BFSP2: variants seen among roughly 807,000 people sequenced by gnomAD.
The protein encoded by BFSP2 is beaded filament structural protein 2.
Under a neutral mutation model 44.9 loss-of-function variants are expected in BFSP2, and 38 were observed. The ratio of observed to expected loss-of-function variants is 0.85; its 90% CI spans 0.65 to 1.11. BFSP2 has a LOEUF of 1.11. BFSP2 is among the 50% of genes least tolerant of loss of function. The pLI, the probability that BFSP2 is intolerant of heterozygous loss-of-function variation, is 0.00. For synonymous variants in BFSP2, 197 were observed against 209.9 expected (o/e 0.94, Z 0.53); for missense variants, 525 against 533.0 (o/e 0.99, Z 0.15).
chr3:133,449,138 C>G (rs979687340), intron 3 of BFSP2: 1 of 162,970 alleles, frequency 6.1e-6, no homozygotes, highest in Admixed American at 5.8e-5. Context: ...TCTAAACCAC[C>G]TCACACATAT....
chr3:133,473,562 A>T (rs1003100840), intron 6 of BFSP2, among the ~76,000 whole-genome samples: 1 of 151,210 alleles, frequency 6.6e-6, no homozygotes, highest in South Asian at 2.1e-4. Context: ...CAGATAAACA[A>T]GTGAACAAAG....
intron 1 of BFSP2, among the ~76,000 whole-genome samples, chr3:133,435,572 G>A (rs1328076931): frequency 6.6e-6 from 1 of 152,210 alleles, no homozygotes; most frequent in Non-Finnish European, 1.5e-5. Flanking sequence ...CTGCGGCTGA[G>A]CTGGGCAAAA....
chr3:133,417,113 G>GC (rs2073543029), intron 1 of BFSP2, among the ~76,000 whole-genome samples: 1 of 77,684 alleles, frequency 1.3e-5, no homozygotes, highest in Non-Finnish European at 2.5e-5. Flanking sequence ...ACTCACCCCT[G>GC]CCTTCTCCCC....
chr3:133,416,326 T>TGC (rs2073528608), intron 1 of BFSP2, among the ~76,000 whole-genome samples: 1 of 126,712 alleles, frequency 7.9e-6, no homozygotes, highest in Non-Finnish European at 1.7e-5. Context: ...TACTCACCCG[T>TGC]CCTCTCCCTT....
chr3:133,442,093 CTAAGTA>C (rs981392916), intron 1 of BFSP2, among the ~76,000 whole-genome samples: 14 of 152,304 alleles, frequency 9.2e-5, no homozygotes, highest in African/African-American at 3.4e-4. Context: ...GGGTTTTACT[CTAAGTA>C]TAAGAGACAC....
chr3:133,426,014 G>C (rs12490879), intron 1 of BFSP2, among the ~76,000 whole-genome samples: 1 of 4,778 alleles, frequency 2.1e-4, no homozygotes, highest in Admixed American at 1.8e-3. Context: ...GAAAGGAAGG[G>C]AAGGGAAGGG....
chr3:133,472,777 A>G (rs2074177382), intron 6 of BFSP2, among the ~76,000 whole-genome samples: 1 of 152,122 alleles, frequency 6.6e-6, no homozygotes, highest in African/African-American at 2.4e-5. Context: ...TACATTTTCT[A>G]TATGTATGCA....
chr3:133,415,377 C>T (rs1412837995), intron 1 of BFSP2, among the ~76,000 whole-genome samples: 5 of 37,806 alleles, frequency 1.3e-4, no homozygotes, highest in Non-Finnish European at 2.1e-4. Context: ...CTCAACCCTG[C>T]CCTCTCCCCT....
intron 1 of BFSP2, among the ~76,000 whole-genome samples, chr3:133,419,011 A>G (rs139951195): frequency 8.8e-4 from 134 of 152,292 alleles, no homozygotes; most frequent in Non-Finnish European, 1.5e-3. Flanking sequence ...TTTTCTCCCT[A>G]TTCTGGAGGC....
intron 1 of BFSP2, among the ~76,000 whole-genome samples, chr3:133,429,898 CT>C (rs2073693077): frequency 6.6e-6 from 1 of 151,488 alleles, no homozygotes; most frequent in Admixed American, 6.6e-5. Flanking sequence ...AATGCTATCC[CT>C]CCCCACTACC....
chr3:133,402,229 T>C (rs1275921386), intron 1 of BFSP2, among the ~76,000 whole-genome samples: 2 of 152,200 alleles, frequency 1.3e-5, no homozygotes, highest in Non-Finnish European at 2.9e-5. Context: ...GGTTAAAAAG[T>C]AGGGCCACAA....
At chr3:133,403,151 A>C (rs2073375768) in intron 1 of BFSP2, among the ~76,000 whole-genome samples, 1 of 151,816 alleles carries the variant, frequency 6.6e-6, no homozygotes, top group Non-Finnish European at 1.5e-5. Flanking sequence ...CAGTCCTTCC[A>C]CAACACGCTG....
intron 1 of BFSP2, among the ~76,000 whole-genome samples, chr3:133,401,669 C>T (rs987583371): frequency 6.6e-6 from 1 of 152,238 alleles, no homozygotes; most frequent in African/African-American, 2.4e-5. Flanking sequence ...TCCTCTTTCT[C>T]TCCAGATGCT....
At chr3:133,474,145 T>G (rs1206619173) in intron 6 of BFSP2, among the ~76,000 whole-genome samples, 1 of 152,176 alleles carries the variant, frequency 6.6e-6, no homozygotes, top group Non-Finnish European at 1.5e-5. Flanking sequence ...GGCCTTAGCT[T>G]CCTTGCCAAC....
chr3:133,431,442 C>T (rs11718113), intron 1 of BFSP2, among the ~76,000 whole-genome samples: 127,146 of 151,956 alleles, frequency 0.84, 53,545 homozygotes, highest in Middle Eastern at 0.96. Flanking sequence ...AAGGAATGCC[C>T]GCAGCCCAGG....
intron 1 of BFSP2, among the ~76,000 whole-genome samples, chr3:133,428,947 G>A (rs1053606858): frequency 6.6e-6 from 1 of 152,128 alleles, no homozygotes; most frequent in Non-Finnish European, 1.5e-5. Context: ...ATCTCATTCT[G>A]TTCTTAATTA....
rs1267109308 is a variant in BFSP2 at position 133,400,296 on chromosome 3, C to T, written c.213C>T (p.Ala71=). Residue 71 remains alanine (A), a synonymous_variant, in exon 1 of 7, where the codon GCC becomes GCT. Coordinates refer to ENST00000302334, the MANE Select transcript of BFSP2 (RefSeq NM_003571.4). The surrounding 1 kb of genome is among the most constrained non-coding windows in gnomAD (Gnocchi z 4.0). ...APSGCIGGLG[A]RVTRRALGIS... is the part of the protein sequence containing the mutation. ...GTGGGTGCATAGGTGGCTTGGGTGC[C>T]CGTGTGACCCGCCGGGCCCTCGGCA... 2 of 1,614,008 alleles carry T rather than the reference C, an allele frequency of 1.2e-6. No homozygotes were observed. The highest frequency in any genetic ancestry group is 1.1e-5 in the South Asian group (1 of 91,080).
intron 4 of BFSP2, 139 bp from the exon 5 acceptor site, chr3:133,466,689 A>AAAAAAAAAAAAAAAAAAAAAAAAAAAC (rs2074113431): frequency 1.6e-6 from 1 of 607,806 alleles, no homozygotes; most frequent in Non-Finnish European, 2.6e-6. Flanking sequence ...AAAAAAAAAA[A>AAAAAAAAAAAAAAAAAAAAAAAAAAAC]AAAAAAAAGA....
chr3:133,447,452 C>G, intron 2 of BFSP2, 53 bp downstream of exon 2: 1 of 1,554,476 alleles, frequency 6.4e-7, no homozygotes, highest in Non-Finnish European at 8.8e-7. Context: ...GACTCCTAGG[C>G]AAGTGTGGAT....
Sources: allele counts gnomAD v4.1 joint callset (sites outside exome capture counted in the v4.1 genomes callset), GRCh38; gene constraint gnomAD v4.1.1; non-coding constraint Gnocchi (gnomAD v3.1); transcripts MANE v1.5; gene names NCBI Gene and HGNC (gene_info 2026-07-23, HGNC 2026-07-21).